The following NAP1L4 variants were observed in gnomAD, a reference collection of about 807,000 sequenced individuals.
NAP1L4 encodes nucleosome assembly protein 1-like 4.
A neutral mutation model predicts 58.2 loss-of-function variants in NAP1L4; 15 were observed. The observed-to-expected ratio is 0.26, with a 90% CI of 0.17 to 0.40. The LOEUF is 0.40. Ranked by LOEUF, NAP1L4 falls within the 10% of genes least tolerant of loss-of-function variation. NAP1L4 has a pLI of 1.00. For synonymous variants in NAP1L4, 171 were observed against 155.6 expected (o/e 1.10, Z -0.74); for missense variants, 384 against 451.1 (o/e 0.85, Z 1.35).
rs767108511 is a variant in NAP1L4 at position 2,949,047 on chromosome 11, C to T, written c.*32+180G>A. 1.3e-5 allele frequency among the ~76,000 whole-genome samples: 2 copies of T among 152,164 alleles called. No individual in the cohort carries two copies. The highest frequency in any genetic ancestry group is 4.8e-5 in the African/African-American group (2 of 41,432). On this transcript the variant is annotated intron_variant, in intron 15 of 15. Transcript: ENST00000380542. The surrounding 1 kb of genome is among the most constrained non-coding windows in gnomAD (Gnocchi z 4.0). ...AAACACTGGGCTCAGAAAGCAGGGA[C>T]CAAATCTAGGTTTGGTTCGTTGATT... is the stretch of plus-strand genomic sequence containing the variant.
intron 3 of NAP1L4, among the ~76,000 whole-genome samples, chr11:2,977,199 G>C (rs768123947): frequency 6.6e-6 from 1 of 152,214 alleles, no homozygotes; most frequent in South Asian, 2.1e-4. Context: ...TAAAACCTCC[G>C]TGTGAAAGTT....
intron 1 of NAP1L4, among the ~76,000 whole-genome samples, chr11:2,988,568 T>A (rs1848782133): frequency 6.6e-6 from 1 of 152,240 alleles, no homozygotes; most frequent in East Asian, 1.9e-4. Flanking sequence ...TTTCGGTAAC[T>A]GAGTAAACAA....
At chr11:2,987,240 C>G (rs1169918075) in intron 1 of NAP1L4, among the ~76,000 whole-genome samples, 1 of 152,078 alleles carries the variant, frequency 6.6e-6, no homozygotes, top group African/African-American at 2.4e-5. Flanking sequence ...ATCATTACCA[C>G]TCTCCAGGAT....
intron 4 of NAP1L4, among the ~76,000 whole-genome samples, chr11:2,973,408 G>T (rs1847763704): frequency 6.6e-6 from 1 of 151,992 alleles, no homozygotes. Flanking sequence ...ATCTACCTGG[G>T]GCAGGGCCCT....
In NAP1L4 at chr11:2,960,375, T is replaced by C. The variant is rs181457127; in HGVS notation, c.607-466A>G. ...GCAGTGAAAGCAGTGACCCACAGCT[T>C]TTCTCCCGGGAGGTGGGTGGGAGAA... On this transcript the variant is annotated intron_variant, in intron 8 of 15. Coordinates refer to ENST00000380542, the MANE Select transcript of NAP1L4 (RefSeq NM_005969.4). Among the ~76,000 whole-genome samples, 23 of 152,206 alleles carry C rather than the reference T, an allele frequency of 1.5e-4. No individual in the cohort carries two copies. The East Asian group carries it at 4.1e-3, about 27-fold the overall frequency.
rs1845965958 is a variant in NAP1L4, at chr11:2,946,874, C to A, written c.*33-1228G>T. On this transcript the variant is annotated intron_variant, in intron 15 of 15. Transcript: ENST00000380542. The surrounding 1 kb of genome is among the most constrained non-coding windows in gnomAD (Gnocchi z 4.8). ...CAGTGTAGTGGCCAAGAACACTGAG[C>A]CACTGGCCTTAGGAGTGTGGGGGAT... 6.6e-6 allele frequency among the ~76,000 whole-genome samples: 1 copy of A among 152,116 alleles called. No individual in the cohort carries two copies. The highest frequency in any genetic ancestry group is 2.1e-4 in the South Asian group (1 of 4,824).
At chr11:2,960,451 C>G (rs562827845) in intron 8 of NAP1L4, among the ~76,000 whole-genome samples, 1 of 152,138 alleles carries the variant, frequency 6.6e-6, no homozygotes, top group African/African-American at 2.4e-5. Flanking sequence ...TTACAAAGCA[C>G]GCTACAGACC....
At position 2,982,662 on chromosome 11, in the gene NAP1L4, C is replaced by T. The variant is rs758669353; in HGVS notation, c.-17-3425G>A. On this transcript the variant is annotated intron_variant, in intron 1 of 15. Coordinates refer to ENST00000380542, the MANE Select transcript of NAP1L4 (RefSeq NM_005969.4). ...TGCATTCGTGTTTCAAATCTGACTCCTTCTAACCTTTCCCTAGTACCAACA... is the reference window on the plus strand; with the variant it reads ...TGCATTCGTGTTTCAAATCTGACTCTTTCTAACCTTTCCCTAGTACCAACA... Among the ~76,000 whole-genome samples the T allele has an allele frequency of 5.4e-4, 82 of 152,316 alleles. 1 individual carries two copies. The highest frequency in any genetic ancestry group is 6.8e-3 in the Middle Eastern group (2 of 294).
rs547755889 is a variant in NAP1L4 at position 2,962,563 on chromosome 11, A to G, written c.606+2117T>C. Among the ~76,000 whole-genome samples the G allele has an allele frequency of 3.9e-5, 6 of 152,354 alleles. No individual in the cohort carries two copies. The South Asian group carries it at 6.2e-4, about 16-fold the overall frequency. ...TTACAAAGGAAAAAGAGTATGGGGA[A>G]ATTCACTAAGCTGCTGAGATTTACT... On this transcript the variant is annotated intron_variant, in intron 8 of 15. Coordinates refer to ENST00000380542, the MANE Select transcript of NAP1L4 (RefSeq NM_005969.4).
At chr11:2,987,794 G>A (rs61063671) in intron 1 of NAP1L4, among the ~76,000 whole-genome samples, 15,194 of 145,088 alleles carry the variant, frequency 0.1, 922 homozygotes, top group African/African-American at 0.15. Context: ...AATAATACAT[G>A]TTTGCCCACT....
At chr11:2,987,520 C>T (rs1407011470) in intron 1 of NAP1L4, among the ~76,000 whole-genome samples, 3 of 151,254 alleles carry the variant, frequency 2.0e-5, no homozygotes, top group Admixed American at 2.0e-4. Flanking sequence ...CTTTGAGAGG[C>T]CCAGGTGGGC....
intron 1 of NAP1L4, chr11:2,991,999 G>A (rs945827659): frequency 3.9e-5 from 6 of 152,028 alleles, no homozygotes; most frequent in Non-Finnish European, 8.8e-5. Context: ...GCAGCCGGGC[G>A]AGGCGCGCCG....
At chr11:2,966,629 T>C (rs1469639221) in intron 7 of NAP1L4, among the ~76,000 whole-genome samples, 1 of 152,172 alleles carries the variant, frequency 6.6e-6, no homozygotes. Flanking sequence ...TGCAAGTATC[T>C]AGACAAAAAG....
At chr11:2,983,383 ACT>A (rs1348467769) in intron 1 of NAP1L4, among the ~76,000 whole-genome samples, 1 of 152,072 alleles carries the variant, frequency 6.6e-6, no homozygotes, top group Non-Finnish European at 1.5e-5. Flanking sequence ...ACACAGTCTC[ACT>A]CTGTTACCCA....
intron 1 of NAP1L4, chr11:2,989,075 A>G (rs1342020329): frequency 6.6e-6 from 1 of 152,230 alleles, no homozygotes; most frequent in African/African-American, 2.4e-5. Context: ...CCATTACTAT[A>G]TGCTCAAAGA....
intron 1 of NAP1L4, among the ~76,000 whole-genome samples, chr11:2,984,801 C>T (rs1034816896): frequency 2.4e-5 from 2 of 83,944 alleles, no homozygotes; most frequent in Non-Finnish European, 6.2e-5. Flanking sequence ...TACATAACAG[C>T]AGGCCAGGTC....
At chr11:2,956,937 TTTGATTAC>T (rs779377874) in intron 10 of NAP1L4, among the ~76,000 whole-genome samples, 7 of 152,212 alleles carry the variant, frequency 4.6e-5, no homozygotes, top group Non-Finnish European at 8.8e-5. Flanking sequence ...GTATTATGTG[TTTGATTAC>T]TTTAAAAGTG....
At chr11:2,978,660 CA>C (rs1370290311) in intron 2 of NAP1L4, among the ~76,000 whole-genome samples, 1 of 152,180 alleles carries the variant, frequency 6.6e-6, no homozygotes, top group African/African-American at 2.4e-5. Flanking sequence ...GCCCTCAAAC[CA>C]AACCCATCAA....
At position 2,952,188 on chromosome 11, in the gene NAP1L4, G is replaced by A. The variant is rs149398418; in HGVS notation, c.1036-379C>T. On this transcript the variant is annotated intron_variant, in intron 12 of 15. Transcript: ENST00000380542. Reference sequence around the variant, plus strand: ...CCTTAAATTTTCTACAAGGCTGATCGAACCAGCAGCATAATGTTATTGGAT... The same window carrying A: ...CCTTAAATTTTCTACAAGGCTGATCAAACCAGCAGCATAATGTTATTGGAT... The A allele has an allele frequency of 3.9e-3, 1,058 of 272,514 alleles. 4 individuals carry two copies. Among genetic ancestry groups the A allele is most frequent in the Non-Finnish European group, 5.8e-3 (830 of 142,266 alleles). 16.9% of individuals were successfully genotyped at this position (272,514 alleles called of 1,614,324 possible).
Sources: gnomAD v4.1 joint callset for allele counts (sites outside exome capture counted in the v4.1 genomes callset) on GRCh38, gnomAD v4.1.1 for gene constraint, Gnocchi (gnomAD v3.1) non-coding constraint, MANE v1.5 for transcripts, NCBI Gene and HGNC (gene_info 2026-07-23, HGNC 2026-07-21) for gene names.